Variants in PDE4B observed in about 807,000 individuals in gnomAD.
PDE4B encodes the protein 3',5'-cyclic-AMP phosphodiesterase 4B.
A neutral mutation model predicts 82.2 loss-of-function variants in PDE4B; 20 were observed. The observed-to-expected ratio is 0.24, with a 90% CI of 0.17 to 0.35. The LOEUF is 0.35. Ranked by LOEUF, PDE4B falls within the 10% of genes least tolerant of loss-of-function variation. PDE4B has a pLI of 1.00. For missense variants in PDE4B, 655 were observed against 907.2 expected, an observed-to-expected ratio of 0.72 and a Z score of 3.57; for synonymous variants, 320 against 318.9, an observed-to-expected ratio of 1.00 and a Z score of -0.04.
At chr1:66,352,497 A>G (rs1661912567) in intron 8 of PDE4B, among the ~76,000 whole-genome samples, 1 of 152,216 alleles carries the variant, frequency 6.6e-6, no homozygotes, top group Non-Finnish European at 1.5e-5. Context: ...GACTATAGAA[A>G]GAAAATAAAC....
intron 1 of PDE4B, among the ~76,000 whole-genome samples, chr1:65,847,044 C>A (rs190895104): frequency 6.6e-6 from 1 of 152,256 alleles, no homozygotes; most frequent in Non-Finnish European, 1.5e-5. Flanking sequence ...TTTAAAAAAA[C>A]CTGTTTTCTG....
At chr1:66,161,865 G>A (rs1646619338) in intron 3 of PDE4B, among the ~76,000 whole-genome samples, 1 of 152,148 alleles carries the variant, frequency 6.6e-6, no homozygotes, top group Non-Finnish European at 1.5e-5. Context: ...ACATGTCTGG[G>A]TTGAAATCTC....
chr1:65,997,658 A>G (rs1344495689), intron 3 of PDE4B, among the ~76,000 whole-genome samples: 1 of 152,172 alleles, frequency 6.6e-6, no homozygotes, highest in Non-Finnish European at 1.5e-5. Context: ...GTCTGTCTTT[A>G]CATGTTTATT....
At chr1:65,942,221 T>C (rs1021173496) in intron 3 of PDE4B, among the ~76,000 whole-genome samples, 5 of 151,808 alleles carry the variant, frequency 3.3e-5, no homozygotes, top group Admixed American at 2.6e-4. Flanking sequence ...ATAATTCTAC[T>C]CTCCACTTCT....
intron 1 of PDE4B, among the ~76,000 whole-genome samples, chr1:65,879,579 G>A (rs1646687435): frequency 1.3e-5 from 2 of 152,166 alleles, no homozygotes; most frequent in South Asian, 4.1e-4. Context: ...AAAAGAATGT[G>A]ACGTGAGCTG....
At chr1:66,299,267 C>G (rs1202492948) in intron 7 of PDE4B, among the ~76,000 whole-genome samples, 2 of 152,124 alleles carry the variant, frequency 1.3e-5, no homozygotes, top group Admixed American at 1.3e-4. Context: ...CATAATTCTA[C>G]TCTCTATTAT....
At chr1:65,939,286 A>G (rs1429690560) in intron 3 of PDE4B, among the ~76,000 whole-genome samples, 5 of 152,086 alleles carry the variant, frequency 3.3e-5, no homozygotes, top group African/African-American at 1.2e-4. Context: ...GTCTAGCTAT[A>G]CTAGGTTCTG....
At chr1:66,000,183 T>C (rs1181877168) in intron 3 of PDE4B, among the ~76,000 whole-genome samples, 1 of 152,224 alleles carries the variant, frequency 6.6e-6, no homozygotes, top group Non-Finnish European at 1.5e-5. Flanking sequence ...AGTAGCATGG[T>C]TGGTGCATCA....
chr1:66,372,374 C>G lies in PDE4B; in HGVS notation c.1907C>G (p.Pro636Arg). The change falls in exon 17 of 17, where the codon CCT becomes CGT. Residue 636 changes from proline (P) to arginine (R), a missense_variant. This residue lies in a region of PDE4B where 283 missense variants were observed against 516.4 expected (regional missense o/e 0.55). Coordinates refer to ENST00000341517, the MANE Select transcript of PDE4B (RefSeq NM_002600.4). ...LWETWADLVQ[P>R]DAQDILDTLE... ...GAGACATGGGCAGATTTGGTACAGC[C>G]TGATGCTCAGGACATTCTCGATACC... 1 of 1,614,060 alleles carries G rather than the reference C, an allele frequency of 6.2e-7. No individual in the cohort carries two copies.
chr1:66,326,915 A>G (rs1557702234), intron 7 of PDE4B, among the ~76,000 whole-genome samples: 1 of 152,214 alleles, frequency 6.6e-6, no homozygotes, highest in Non-Finnish European at 1.5e-5. Flanking sequence ...TGCCAGATAC[A>G]TAAAGGGCCC....
chr1:66,068,410 A>T (rs955999079), intron 3 of PDE4B, among the ~76,000 whole-genome samples: 7 of 151,986 alleles, frequency 4.6e-5, no homozygotes, highest in Non-Finnish European at 1.0e-4. Flanking sequence ...AGAATTGATA[A>T]GATTTTGAGA....
intron 3 of PDE4B, among the ~76,000 whole-genome samples, chr1:65,969,157 C>T (rs763109868): frequency 3.3e-5 from 5 of 152,154 alleles, no homozygotes; most frequent in South Asian, 2.1e-4. Flanking sequence ...AGGTTTTCTT[C>T]TTGCTCATAT....
chr1:65,848,504 C>G (rs956585440), intron 1 of PDE4B, among the ~76,000 whole-genome samples: 1 of 152,046 alleles, frequency 6.6e-6, no homozygotes, highest in Non-Finnish European at 1.5e-5. Flanking sequence ...ACATGTAGGC[C>G]TTTCTATTAT....
At chr1:66,079,854 G>A (rs1656633101) in intron 3 of PDE4B, among the ~76,000 whole-genome samples, 1 of 152,116 alleles carries the variant, frequency 6.6e-6, no homozygotes. Flanking sequence ...TTCCAATTAT[G>A]AGGTAGAAGA....
At chr1:66,292,054 C>T (rs542378174) in intron 7 of PDE4B, among the ~76,000 whole-genome samples, 10 of 152,190 alleles carry the variant, frequency 6.6e-5, no homozygotes, top group South Asian at 4.1e-4. Flanking sequence ...TTTCCATTAG[C>T]GCCTGGGGAA....
chr1:66,158,492 G>A (rs1182350158), intron 3 of PDE4B, among the ~76,000 whole-genome samples: 2 of 152,080 alleles, frequency 1.3e-5, no homozygotes, highest in African/African-American at 4.8e-5. Context: ...ATATACTGTT[G>A]GTAAGAATGT....
intron 3 of PDE4B, among the ~76,000 whole-genome samples, chr1:66,024,366 T>C (rs1251106134): frequency 1.3e-5 from 2 of 152,112 alleles, no homozygotes; most frequent in Non-Finnish European, 2.9e-5. Flanking sequence ...CAGATAGCCA[T>C]CCAACTTGCA....
chr1:66,077,630 A>G (rs924266031), intron 3 of PDE4B, among the ~76,000 whole-genome samples: 2 of 152,246 alleles, frequency 1.3e-5, no homozygotes, highest in Non-Finnish European at 2.9e-5. Context: ...CTGCCCTGCA[A>G]TAGTAAGAAT....
At chr1:65,851,126 G>A (rs561767542) in intron 1 of PDE4B, among the ~76,000 whole-genome samples, 36 of 152,146 alleles carry the variant, frequency 2.4e-4, no homozygotes, top group African/African-American at 7.7e-4. Context: ...TCAATAGGCC[G>A]AATACGCTTG....
Sources: gnomAD v4.1 joint callset for allele counts (sites outside exome capture counted in the v4.1 genomes callset) on GRCh38, gnomAD v4.1.1 for gene constraint, gnomAD v4.1.1 regional missense constraint, MANE v1.5 for transcripts, NCBI Gene and HGNC (gene_info 2026-07-23, HGNC 2026-07-21) for gene names.